VPS72: variants seen among roughly 807,000 people sequenced by gnomAD.
VPS72 encodes vacuolar protein sorting-associated protein 72 homolog.
A neutral mutation model predicts 38.9 loss-of-function variants in VPS72; 27 were observed. That is an observed-to-expected ratio of 0.69 (90% CI 0.51 to 0.96). The LOEUF (loss-of-function observed/expected upper bound fraction) is 0.96. VPS72 is among the 40% of genes least tolerant of loss of function. VPS72 has a pLI of 0.00. For synonymous variants in VPS72, 173 were observed against 186.3 expected, an observed-to-expected ratio of 0.93 and a Z score of 0.58; for missense variants, 360 against 479.5, an observed-to-expected ratio of 0.75 and a Z score of 2.33.
At chr1:151,188,986 C>T (rs1343344503) in intron 1 of VPS72, among the ~76,000 whole-genome samples, 2 of 152,124 alleles carry the variant, frequency 1.3e-5, no homozygotes, top group East Asian at 3.9e-4. Context: ...CACACCACCA[C>T]GCTTGGCTAA....
chr1:151,179,554 G>C (rs932352482), intron 4 of VPS72, among the ~76,000 whole-genome samples: 3 of 151,492 alleles, frequency 2.0e-5, no homozygotes, highest in African/African-American at 4.9e-5. Flanking sequence ...AGCTGAGATC[G>C]CGCCACTGCA....
rs1684100431 is a variant in VPS72, at chr1:151,176,487, A to G, written c.*157T>C. ...GGGATCTTTCTATTTTATTAGATTA[A>G]AAAACACAACGAAACCTGTAAGAAC... On this transcript the variant is annotated 3_prime_UTR_variant, in exon 6 of 6. Transcript: ENST00000368892. 2.4e-5 allele frequency: 31 copies of G among 1,294,862 alleles called. No individual in the cohort carries two copies. In the South Asian group the frequency reaches 4.3e-4, roughly 18 times the overall value. 80.2% of individuals were successfully genotyped at this position (1,294,862 alleles called of 1,614,324 possible). A position where few individuals can be genotyped will look rare whatever the true frequency, so the allele number is the denominator to read the frequency against.
At chr1:151,186,283 G>T (rs982366413) in intron 1 of VPS72, among the ~76,000 whole-genome samples, 53 of 152,092 alleles carry the variant, frequency 3.5e-4, no homozygotes, top group African/African-American at 1.2e-3. Context: ...TCTCGAACAG[G>T]CTTGGTGGCT....
At chr1:151,181,434 G>A (rs1346192428) in intron 4 of VPS72, among the ~76,000 whole-genome samples, 3 of 151,832 alleles carry the variant, frequency 2.0e-5, no homozygotes, top group South Asian at 2.1e-4. Context: ...TAGTAGAGAC[G>A]GGGTTTCACC....
chr1:151,186,277 G>A lies in VPS72; in HGVS notation c.118-327C>T, dbSNP rs117513662. On this transcript the variant is annotated intron_variant, in intron 1 of 5. Coordinates refer to ENST00000368892, the MANE Select transcript of VPS72 (RefSeq NM_005997.3). ...TTTTTTTTTTTGAGATGTGGATCTC[G>A]AACAGGCTTGGTGGCTCACGCCTGT... Among the ~76,000 whole-genome samples, 666 of 151,804 alleles carry A rather than the reference G, an allele frequency of 4.4e-3. 23 individuals carry two copies. The East Asian group carries it at 0.1, about 23-fold the overall frequency.
rs749804473 is a variant in VPS72 at position 151,176,995 on chromosome 1, A to G, written c.744T>C (p.Pro248=). 1.3e-6 allele frequency: 2 copies of G among 1,592,474 alleles called. No homozygotes were observed. Among genetic ancestry groups the G allele is most frequent in the Non-Finnish European group, 1.7e-6 (2 of 1,167,462 alleles). Residue 248 remains proline, a synonymous_variant, in exon 6 of 6, where the codon CCT becomes CCC. Transcript: ENST00000368892. The part of the protein sequence containing the change: ...DPAPSVSALT[P]HAGTGPVNPP... ...GGTTGACGGGTCCAGTCCCAGCATGAGGAGTCAATGCAGACACCGAGGGAG... is the reference window on the plus strand; with the variant it reads ...GGTTGACGGGTCCAGTCCCAGCATGGGGAGTCAATGCAGACACCGAGGGAG...
rs587748768 is a variant in VPS72, at chr1:151,181,293, A to G, written c.562+3024T>C. 1.7e-3 allele frequency among the ~76,000 whole-genome samples: 236 copies of G among 142,784 alleles called. 2 individuals carry two copies. Among genetic ancestry groups the G allele is most frequent in the African/African-American group, 5.8e-3 (222 of 38,106 alleles). 93.7% of individuals were successfully genotyped at this position (142,784 alleles called of 152,430 possible). A position where few individuals can be genotyped will look rare whatever the true frequency, so the allele number is the denominator to read the frequency against. On this transcript the variant is annotated intron_variant, in intron 4 of 5. Transcript: ENST00000368892. ...CACTCTGTTGCCCAGGCTGGAGTGT[A>G]GCGACACGATCTCCACTCACTGCAA...
chr1:151,176,466 T>G lies in VPS72; in HGVS notation c.*178A>C. On this transcript the variant is annotated 3_prime_UTR_variant, in exon 6 of 6. Transcript: ENST00000368892. ...TAGACTGGACACCAGACAAAAGGGA[T>G]CTTTCTATTTTATTAGATTAAAAAA... 2 of 1,075,036 alleles carry G rather than the reference T, an allele frequency of 1.9e-6. No individual in the cohort carries two copies. Among genetic ancestry groups the G allele is most frequent in the Non-Finnish European group, 2.6e-6 (2 of 759,246 alleles). 66.6% of individuals were successfully genotyped at this position (1,075,036 alleles called of 1,614,324 possible). A position where few individuals can be genotyped will look rare whatever the true frequency, so the allele number is the denominator to read the frequency against.
intron 1 of VPS72, among the ~76,000 whole-genome samples, chr1:151,188,807 C>G (rs922940223): frequency 1.3e-5 from 2 of 152,144 alleles, no homozygotes; most frequent in African/African-American, 4.8e-5. Context: ...AACACTCTTA[C>G]ACCTTGTTTT....
intron 1 of VPS72, 137 bp from the exon 2 acceptor site, chr1:151,186,087 A>G (rs906689295): frequency 2.6e-6 from 3 of 1,156,582 alleles, no homozygotes; most frequent in Non-Finnish European, 3.6e-6. Flanking sequence ...TTCCTCAGGC[A>G]AGAAAACTTT....
chr1:151,186,605 G>T (rs893781771), intron 1 of VPS72, among the ~76,000 whole-genome samples: 4 of 151,752 alleles, frequency 2.6e-5, no homozygotes, highest in Admixed American at 2.6e-4. Flanking sequence ...AACTATGATT[G>T]AAAACACTGT....
At chr1:151,178,598 T>A (rs912412811) in intron 4 of VPS72, among the ~76,000 whole-genome samples, 1 of 151,884 alleles carries the variant, frequency 6.6e-6, no homozygotes, top group African/African-American at 2.4e-5. Context: ...CACATTGCAC[T>A]CCAGCCTAGG....
In VPS72 at chr1:151,185,924, C is replaced by T; in HGVS notation, c.144G>A (p.Gly48=). The T allele has an allele frequency of 1.2e-6, 2 of 1,614,082 alleles. No individual in the cohort carries two copies. Among genetic ancestry groups the T allele is most frequent in the African/African-American group, 1.3e-5 (1 of 75,026 alleles). ...TEESGDDEYQ[G]DQSDTEDEVD... ...CTTCGTCCTCTGTGTCTGACTGGTC[C>T]CCTTGATACTCATCATCTCCGGATT... is the stretch of plus-strand genomic sequence containing the variant. Residue 48 remains glycine (G), a synonymous_variant, in exon 2 of 6, where the codon GGG becomes GGA. Transcript: ENST00000368892.
Position 151,176,387 on chromosome 1 carries a change from T to C in VPS72, c.*257A>G. ...AAAGGACAGCTCATAATAAATGCTA[T>C]CGAATAAAGACCCAAATATATGCAG... is the stretch of plus-strand genomic sequence containing the variant. On this transcript the variant is annotated 3_prime_UTR_variant, in exon 6 of 6. Coordinates refer to ENST00000368892, the MANE Select transcript of VPS72 (RefSeq NM_005997.3). 2.0e-6 allele frequency: 1 copy of C among 498,506 alleles called. No homozygotes were observed. The highest frequency in any genetic ancestry group is 3.5e-6 in the Non-Finnish European group (1 of 283,756). The allele number at this position is 498,506 out of a possible 1,614,324, so 30.9% of individuals were successfully genotyped here. A position where few individuals can be genotyped will look rare whatever the true frequency, so the allele number is the denominator to read the frequency against.
At position 151,177,855 on chromosome 1, in the gene VPS72, AG is replaced by A; in HGVS notation, c.707+145del. ...AGCATCATGTCTCAAAAAAAAAAAA[AG>A]AAAAAGAAATTGAGCTGAAGGGAGT... On this transcript the variant is annotated intron_variant, in intron 5 of 5. Coordinates refer to ENST00000368892, the MANE Select transcript of VPS72 (RefSeq NM_005997.3). 7 of 1,010,244 alleles carry A rather than the reference AG, an allele frequency of 6.9e-6. No homozygotes were observed. In the South Asian group the frequency reaches 1.0e-4, roughly 14 times the overall value. The allele number at this position is 1,010,244 out of a possible 1,614,324, so 62.6% of individuals were successfully genotyped here.
chr1:151,183,231 G>A (rs1391395823), intron 4 of VPS72, among the ~76,000 whole-genome samples: 1 of 151,412 alleles, frequency 6.6e-6, no homozygotes, highest in Non-Finnish European at 1.5e-5. Context: ...AGACCAGCCT[G>A]GCCAACATGG....
intron 1 of VPS72, 94 bp from the exon 2 acceptor site, chr1:151,186,044 G>T: frequency 6.8e-7 from 1 of 1,463,314 alleles, no homozygotes; most frequent in Non-Finnish European, 9.2e-7. Flanking sequence ...GATAAGGGCT[G>T]CCCTACTCTC....
At position 151,176,741 on chromosome 1, in the gene VPS72, G is replaced by C; in HGVS notation, c.998C>G (p.Pro333Arg). 1 of 1,614,160 alleles carries C rather than the reference G, an allele frequency of 6.2e-7. No individual in the cohort carries two copies. Among genetic ancestry groups the C allele is most frequent in the Non-Finnish European group, 8.5e-7 (1 of 1,180,024 alleles). ...YKKYITAHGL[P>R]PTASALGPGP... ...GGGGCCCAGGGCTGAGGCAGTGGGC[G>C]GCAGTCCATGGGCAGTAATGTACTT... The change falls in exon 6 of 6, where the codon CCG (proline) becomes CGG (arginine). Residue 333 changes from proline to arginine, a missense_variant. By Grantham distance (103) the Pro-to-Arg change is moderately radical. Coordinates refer to ENST00000368892, the MANE Select transcript of VPS72 (RefSeq NM_005997.3).
intron 1 of VPS72, among the ~76,000 whole-genome samples, chr1:151,186,345 G>A (rs1296037747): frequency 6.6e-6 from 1 of 151,962 alleles, no homozygotes; most frequent in Non-Finnish European, 1.5e-5. Context: ...GATCACTTGA[G>A]GCCAGGAGTT....
Sources: allele counts gnomAD v4.1 joint callset (sites outside exome capture counted in the v4.1 genomes callset), GRCh38; gene constraint gnomAD v4.1.1; transcripts MANE v1.5; gene names NCBI Gene and HGNC (gene_info 2026-07-23, HGNC 2026-07-21).